Variants in ZRANB3 observed in about 807,000 individuals in gnomAD.
ZRANB3 encodes zinc finger RANBP2-type containing 3.
ZRANB3 carries 125 observed loss-of-function variants against 133.8 expected under a neutral mutation model. The ratio of observed to expected loss-of-function variants is 0.93; its 90% CI spans 0.81 to 1.08. ZRANB3 has a LOEUF of 1.08. Among genes scored for constraint, ZRANB3 ranks in the 50% least tolerant of loss-of-function variants. The pLI is 0.00. For missense variants in ZRANB3, 1,229 were observed against 1,275.5 expected (o/e 0.96, Z 0.56); for synonymous variants, 387 against 432.7 (o/e 0.89, Z 1.31).
intron 2 of ZRANB3, among the ~76,000 whole-genome samples, chr2:135,471,488 G>A (rs571988650): frequency 6.6e-6 from 1 of 152,292 alleles, no homozygotes; most frequent in South Asian, 2.1e-4. Context: ...CATTCACTGT[G>A]TTTCAGAGTT....
chr2:135,318,216 G>T (rs796138367), intron 6 of ZRANB3, among the ~76,000 whole-genome samples: 25 of 90,594 alleles, frequency 2.8e-4, no homozygotes, highest in South Asian at 7.8e-4. Context: ...ACTATTTTGT[G>T]TGTGTGTGTG....
At chr2:135,204,997 C>T (rs1032129631) in intron 19 of ZRANB3, among the ~76,000 whole-genome samples, 1 of 151,732 alleles carries the variant, frequency 6.6e-6, no homozygotes, top group African/African-American at 2.4e-5. Context: ...GACTGACATC[C>T]CTGGGATGTG....
At chr2:135,247,180 T>C (rs1163147205) in intron 12 of ZRANB3, among the ~76,000 whole-genome samples, 4 of 152,206 alleles carry the variant, frequency 2.6e-5, no homozygotes, top group African/African-American at 9.7e-5. Context: ...TGGGACATCA[T>C]GCTGGTCTCT....
chr2:135,315,340 A>T lies in ZRANB3; in HGVS notation c.849+19T>A, dbSNP rs1683198297. The T allele has an allele frequency of 2.7e-6, 4 of 1,495,058 alleles. No individual in the cohort carries two copies. Among genetic ancestry groups the T allele is most frequent in the Non-Finnish European group, 3.5e-6 (4 of 1,126,808 alleles). 92.6% of individuals were successfully genotyped at this position (1,495,058 alleles called of 1,614,324 possible). A position where few individuals can be genotyped will look rare whatever the true frequency, so the allele number is the denominator to read the frequency against. On this transcript the variant is annotated intron_variant, in intron 7 of 20. Coordinates refer to ENST00000264159, the MANE Select transcript of ZRANB3 (RefSeq NM_032143.4). ...AAAATTATTTAAAGTAAGACTTTAA[A>T]TCAAGCAACGGTTCTCACCTTGGCA...
chr2:135,203,467 A>G (rs551287148), intron 19 of ZRANB3, among the ~76,000 whole-genome samples: 2 of 152,042 alleles, frequency 1.3e-5, no homozygotes, highest in South Asian at 2.1e-4. Context: ...AAAATACAAA[A>G]AATTAGCCAG....
intron 8 of ZRANB3, among the ~76,000 whole-genome samples, chr2:135,309,470 C>T (rs899229545): frequency 3.9e-5 from 6 of 151,982 alleles, no homozygotes; most frequent in African/African-American, 1.5e-4. Context: ...TATGTGCAGA[C>T]AAAATGATCC....
intron 12 of ZRANB3, among the ~76,000 whole-genome samples, chr2:135,255,400 A>C (rs1212216018): frequency 2.0e-5 from 3 of 152,112 alleles, no homozygotes; most frequent in African/African-American, 7.2e-5. Context: ...TTTTGAAACT[A>C]TTAATCTGCT....
intron 13 of ZRANB3, among the ~76,000 whole-genome samples, chr2:135,228,534 C>G (rs1694854773): frequency 6.6e-6 from 1 of 151,920 alleles, no homozygotes; most frequent in South Asian, 2.1e-4. Context: ...CTGCTGTGCA[C>G]TGAAGGATCA....
intron 2 of ZRANB3, among the ~76,000 whole-genome samples, chr2:135,477,007 G>T (rs903915770): frequency 6.6e-6 from 1 of 151,992 alleles, no homozygotes; most frequent in East Asian, 1.9e-4. Context: ...AGACATAAGC[G>T]ACCATGCCTA....
chr2:135,201,470 T>C (rs1372679751), intron 20 of ZRANB3, among the ~76,000 whole-genome samples: 1 of 151,970 alleles, frequency 6.6e-6, no homozygotes, highest in Non-Finnish European at 1.5e-5. Flanking sequence ...CTGGACAACA[T>C]GGTGAAACCC....
At chr2:135,318,212 T>TTG (rs58455313) in intron 6 of ZRANB3, among the ~76,000 whole-genome samples, 8,722 of 136,886 alleles carry the variant, frequency 0.064, 384 homozygotes, top group East Asian at 0.14. Context: ...ACACACTATT[T>TTG]TGTGTGTGTG....
chr2:135,466,680 ATTT>A (rs34605710), intron 2 of ZRANB3, among the ~76,000 whole-genome samples: 2 of 142,820 alleles, frequency 1.4e-5, no homozygotes, highest in African/African-American at 2.6e-5. Flanking sequence ...ATTTGTGTTG[ATTT>A]TTTTTTTTTT....
At chr2:135,300,418 C>G (rs1462777230) in intron 8 of ZRANB3, among the ~76,000 whole-genome samples, 1 of 152,086 alleles carries the variant, frequency 6.6e-6, no homozygotes, top group Non-Finnish European at 1.5e-5. Context: ...AATTCCTCAA[C>G]ATAATTTTTC....
At chr2:135,398,610 C>T (rs1032765384) in intron 2 of ZRANB3, among the ~76,000 whole-genome samples, 5 of 150,030 alleles carry the variant, frequency 3.3e-5, no homozygotes, top group Admixed American at 1.3e-4. Flanking sequence ...GCTCCGCCTC[C>T]TGGGTTTACG....
chr2:135,316,786 T>A (rs969630699), intron 6 of ZRANB3, among the ~76,000 whole-genome samples: 1 of 151,894 alleles, frequency 6.6e-6, no homozygotes, highest in African/African-American at 2.4e-5. Flanking sequence ...GCCAACATAG[T>A]GAGACCCTGT....
intron 6 of ZRANB3, among the ~76,000 whole-genome samples, chr2:135,326,530 T>C (rs1055196797): frequency 5.3e-5 from 8 of 152,150 alleles, no homozygotes; most frequent in Admixed American, 5.2e-4. Context: ...GTTTGTTACA[T>C]AGGTAAACGT....
chr2:135,470,122 T>C (rs1229460215), intron 2 of ZRANB3, among the ~76,000 whole-genome samples: 1 of 148,454 alleles, frequency 6.7e-6, no homozygotes, highest in Non-Finnish European at 1.5e-5. Flanking sequence ...GTCAGGAGTT[T>C]AAGACCAGCC....
chr2:135,406,014 A>G (rs1688004963), intron 2 of ZRANB3, among the ~76,000 whole-genome samples: 1 of 152,216 alleles, frequency 6.6e-6, no homozygotes. Context: ...ACCCTTCAAA[A>G]AAATCAGTGA....
intron 2 of ZRANB3, among the ~76,000 whole-genome samples, chr2:135,455,041 T>C (rs1231774760): frequency 2.0e-5 from 3 of 152,114 alleles, no homozygotes; most frequent in African/African-American, 7.2e-5. Flanking sequence ...AACAATTATA[T>C]ACAAGAGGTA....
Sources: gnomAD v4.1 joint callset for allele counts (sites outside exome capture counted in the v4.1 genomes callset) on GRCh38, gnomAD v4.1.1 for gene constraint, MANE v1.5 for transcripts, NCBI Gene and HGNC (gene_info 2026-07-23, HGNC 2026-07-21) for gene names.